Variants in LPIN1 observed in about 807,000 individuals in gnomAD.
The protein encoded by LPIN1 is lipin 1, also known as phosphatidate phosphatase LPIN1.
A neutral mutation model predicts 107.5 loss-of-function variants in LPIN1; 71 were observed. That is an observed-to-expected ratio of 0.66 (90% confidence interval 0.55 to 0.80). The LOEUF (loss-of-function observed/expected upper bound fraction) is 0.80, where lower values mean the gene tolerates loss of function less well. Ranked by LOEUF, LPIN1 falls within the 30% of genes least tolerant of loss-of-function variation. LPIN1 has a pLI of 0.00. For missense variants in LPIN1, 1,043 were observed against 1,160.6 expected (o/e 0.90, Z 1.47); for synonymous variants, 445 against 452.6 (o/e 0.98, Z 0.21).
chr2:11,791,801 T>G, intron 12 of LPIN1, 113 bp from the exon 13 acceptor site: 1 of 1,516,892 alleles, frequency 6.6e-7, no homozygotes, highest in Non-Finnish European at 8.9e-7. Context: ...TTGTGTTTTC[T>G]CTGATTTTTT....
At chr2:11,705,311 C>T (rs569043678) in intron 1 of LPIN1, among the ~76,000 whole-genome samples, 1 of 152,332 alleles carries the variant, frequency 6.6e-6, no homozygotes, top group Admixed American at 6.5e-5. Context: ...CTTTATTTTT[C>T]CATTCAACAA....
In LPIN1 at chr2:11,774,163, C is replaced by T. The variant is rs796135931; in HGVS notation, c.722+418C>T. ...CTCCGCCACACTTAATCCATTCTGC[C>T]GAATTCAAGAATATTTATTTCCCTG... On this transcript the variant is annotated intron_variant, in intron 5 of 20. Coordinates refer to ENST00000674199, the MANE Select transcript of LPIN1 (RefSeq NM_001349206.2). The surrounding 1 kb of genome is among the most constrained non-coding windows in gnomAD (Gnocchi z 4.4). Among the ~76,000 whole-genome samples the T allele has an allele frequency of 4.6e-5, 7 of 152,232 alleles. No homozygotes were observed. Among genetic ancestry groups the T allele is most frequent in the African/African-American group, 9.6e-5 (4 of 41,530 alleles).
At chr2:11,712,331 TC>T (rs1356632414) in intron 1 of LPIN1, among the ~76,000 whole-genome samples, 2 of 152,180 alleles carry the variant, frequency 1.3e-5, no homozygotes, top group Non-Finnish European at 2.9e-5. Flanking sequence ...AACTGTCCCC[TC>T]CTGCAGAAGG....
chr2:11,753,979 A>G (rs1020631803), intron 1 of LPIN1, among the ~76,000 whole-genome samples: 3 of 152,182 alleles, frequency 2.0e-5, no homozygotes, highest in Admixed American at 6.5e-5. Context: ...CCACAGATAG[A>G]GTCCCCAGGT....
chr2:11,687,859 C>A (rs1388295108), intron 1 of LPIN1, among the ~76,000 whole-genome samples: 1 of 152,254 alleles, frequency 6.6e-6, no homozygotes, highest in African/African-American at 2.4e-5. Context: ...GGCAGGGCCG[C>A]AGCTAAGTCT....
At chr2:11,791,332 A>G (rs2148673640) in intron 12 of LPIN1, among the ~76,000 whole-genome samples, 1 of 152,358 alleles carries the variant, frequency 6.6e-6, no homozygotes, top group Non-Finnish European at 1.5e-5. Context: ...GGAAAAACGT[A>G]GAAAATTATC....
chr2:11,722,305 T>C (rs1260481065), upstream of LPIN1: 1 of 152,310 alleles, frequency 6.6e-6, no homozygotes, highest in Non-Finnish European at 1.5e-5. Context: ...TGCCAGCCCT[T>C]AGACACTAGG....
intron 6 of LPIN1, among the ~76,000 whole-genome samples, chr2:11,779,180 G>T (rs867610519): frequency 1.3e-5 from 2 of 152,252 alleles, no homozygotes; most frequent in African/African-American, 4.8e-5. Context: ...CGAGTGCAGA[G>T]TGGGGTGGGG....
exon 1 of LPIN1, chr2:11,724,496 A>G: frequency 1.0e-6 from 1 of 985,790 alleles, no homozygotes; most frequent in Non-Finnish European, 1.2e-6. Flanking sequence ...CCTGCTGAGA[A>G]CTAGAAAATC....
chr2:11,804,776 C>T (rs1359498221), intron 16 of LPIN1, among the ~76,000 whole-genome samples: 3 of 152,138 alleles, frequency 2.0e-5, no homozygotes, highest in Non-Finnish European at 4.4e-5. Flanking sequence ...GTATTATTAT[C>T]TCTTCGACTT....
chr2:11,798,485 C>G (rs1033402976), intron 14 of LPIN1, among the ~76,000 whole-genome samples: 7 of 152,190 alleles, frequency 4.6e-5, no homozygotes, highest in Admixed American at 1.3e-4. Flanking sequence ...ACGTTGGAAC[C>G]TCAGCTCTTG....
intron 1 of LPIN1, among the ~76,000 whole-genome samples, chr2:11,760,554 G>A (rs913830420): frequency 7.9e-5 from 12 of 152,322 alleles, no homozygotes; most frequent in South Asian, 2.1e-4. Flanking sequence ...GGCGGCGCAC[G>A]CCTGCAATCG....
rs770584178 is a variant in LPIN1, at chr2:11,804,426, A to G, written c.2017A>G (p.Ser673Gly). Reference sequence around the variant, plus strand: ...ACTAATGGTTCATGTTTTTCAGAAAAGCTTGAAGTTGAAGAATGGCCCCAA... The same window carrying G: ...ACTAATGGTTCATGTTTTTCAGAAAGGCTTGAAGTTGAAGAATGGCCCCAA... The part of the protein sequence containing the change: ...TLRLTSEQLK[S>G]LKLKNGPNDV... Residue 673 changes from serine (S) to glycine (G), a missense_variant, in exon 16 of 21, where the codon AGC (serine) becomes GGC (glycine). By Grantham distance (56) the Ser-to-Gly change is moderately conservative (BLOSUM62 0). Transcript: ENST00000674199. 1.9e-6 allele frequency: 3 copies of G among 1,614,208 alleles called. No homozygotes were observed. The highest frequency in any genetic ancestry group is 3.3e-5 in the Admixed American group (2 of 60,032).
At chr2:11,693,802 A>ATAT (rs1372903968) in intron 1 of LPIN1, among the ~76,000 whole-genome samples, 1,477 of 25,374 alleles carry the variant, frequency 0.058, 63 homozygotes, top group South Asian at 0.12. Flanking sequence ...ATATATATAT[A>ATAT]TATATATATA....
At chr2:11,804,349 G>T (rs188041433) in intron 15 of LPIN1, 74 bp from the exon 16 acceptor site, 1 of 1,533,316 alleles carries the variant, frequency 6.5e-7, no homozygotes, top group Non-Finnish European at 9.0e-7. Context: ...GCTTCTCATA[G>T]AACAGAAGCC....
Position 11,765,097 on chromosome 2 carries a change from G to A in LPIN1, c.-9-436G>A, listed in dbSNP as rs1670579418. Among the ~76,000 whole-genome samples, 1 of 152,100 alleles carries A rather than the reference G, an allele frequency of 6.6e-6. No individual in the cohort carries two copies. Among genetic ancestry groups the A allele is most frequent in the Non-Finnish European group, 1.5e-5 (1 of 67,982 alleles). On this transcript the variant is annotated intron_variant, in intron 1 of 20. Transcript: ENST00000674199. This position sits in a 1 kb window ranked among gnomAD's most constrained non-coding sequence, Gnocchi z 4.4. ...GTGATGGACCCTGGTGGGCTCTGAT[G>A]GTCCATGATGGGCCATGGTGGACAC...
chr2:11,691,098 T>TTG (rs1553397774), intron 1 of LPIN1, among the ~76,000 whole-genome samples: 6 of 151,602 alleles, frequency 4.0e-5, no homozygotes, highest in Non-Finnish European at 7.4e-5. Context: ...TTTTTTTTTT[T>TTG]TCTCTCTCCT....
At chr2:11,741,733 C>A (rs1382113156), upstream of LPIN1, among the ~76,000 whole-genome samples, 1 of 152,164 alleles carries the variant, frequency 6.6e-6, no homozygotes, top group East Asian at 1.9e-4. Context: ...ATGATGTGAA[C>A]CTGGGATGCG....
upstream of LPIN1, chr2:11,746,564 CTG>C: frequency 1.3e-6 from 1 of 796,048 alleles, no homozygotes; most frequent in Non-Finnish European, 1.5e-6. Context: ...TGCCCCGCCC[CTG>C]CCCTCTGCCC....
Sources: gnomAD v4.1 joint callset for allele counts (sites outside exome capture counted in the v4.1 genomes callset) on GRCh38, gnomAD v4.1.1 for gene constraint, Gnocchi (gnomAD v3.1) non-coding constraint, MANE v1.5 for transcripts, NCBI Gene and HGNC (gene_info 2026-07-23, HGNC 2026-07-21) for gene names.